The following HECW1 variants were observed in gnomAD, a reference collection of about 807,000 sequenced individuals.
HECW1 encodes E3 ubiquitin-protein ligase HECW1.
A neutral mutation model predicts 182.3 loss-of-function variants in HECW1; 61 were observed. The ratio of observed to expected loss-of-function variants is 0.33; its 90% CI spans 0.27 to 0.41. The LOEUF (loss-of-function observed/expected upper bound fraction) is 0.41. Ranked by LOEUF, HECW1 falls within the 10% of genes least tolerant of loss-of-function variation. The pLI is 1.00. For synonymous variants in HECW1, 859 were observed against 832.6 expected (o/e 1.03, Z -0.55); for missense variants, 1,739 against 2,108.9 (o/e 0.82, Z 3.44).
At chr7:43,442,717 TC>T in intron 10 of HECW1, 88 bp downstream of exon 10, 1 of 859,638 alleles carries the variant, frequency 1.2e-6, no homozygotes, top group Non-Finnish European at 1.9e-6. Context: ...TATGGTTCTC[TC>T]CAGATGTATC....
chr7:43,261,043 A>G (rs1431132184), intron 3 of HECW1, among the ~76,000 whole-genome samples: 1 of 152,128 alleles, frequency 6.6e-6, no homozygotes, highest in South Asian at 2.1e-4. Flanking sequence ...TTAATTGGTA[A>G]ATGCTGAAGT....
intron 8 of HECW1, 140 bp from the exon 9 acceptor site, chr7:43,437,863 A>G: frequency 1.2e-6 from 1 of 839,374 alleles, no homozygotes; most frequent in African/African-American, 1.7e-5. Context: ...AAACAGGTTC[A>G]CAACATTTCT....
chr7:43,423,889 G>C (rs924247946), intron 8 of HECW1, among the ~76,000 whole-genome samples: 2 of 152,192 alleles, frequency 1.3e-5, no homozygotes, highest in Admixed American at 6.5e-5. Context: ...AAAAATCAAA[G>C]GTGGGGCTAG....
chr7:43,346,068 A>G (rs1392433290), intron 5 of HECW1, among the ~76,000 whole-genome samples: 1 of 152,200 alleles, frequency 6.6e-6, no homozygotes, highest in African/African-American at 2.4e-5. Flanking sequence ...AGGAATTGCC[A>G]CACTGTTTTC....
chr7:43,477,807 T>C (rs1033198439), intron 16 of HECW1, among the ~76,000 whole-genome samples: 1 of 152,220 alleles, frequency 6.6e-6, no homozygotes, highest in African/African-American at 2.4e-5. Context: ...ATCAAATACT[T>C]GAAATTATAA....
chr7:43,333,915 G>A (rs1811805455), intron 5 of HECW1, among the ~76,000 whole-genome samples: 1 of 152,104 alleles, frequency 6.6e-6, no homozygotes, highest in Admixed American at 6.6e-5. Context: ...GTCAAACATG[G>A]CCCAATCCAC....
intron 15 of HECW1, among the ~76,000 whole-genome samples, chr7:43,468,464 G>A (rs1425967166): frequency 6.6e-6 from 1 of 152,142 alleles, no homozygotes; most frequent in Non-Finnish European, 1.5e-5. Flanking sequence ...CAGCACTCAG[G>A]TGGAACGGAT....
intron 6 of HECW1, among the ~76,000 whole-genome samples, chr7:43,361,815 CTTTTTTTTTT>C (rs397890047): frequency 1.2e-4 from 9 of 77,964 alleles, no homozygotes; most frequent in East Asian, 3.7e-4. Flanking sequence ...AAGACTCTCT[CTTTTTTTTTT>C]TTTTTTTTTT....
At chr7:43,263,747 G>C (rs188075927) in intron 3 of HECW1, among the ~76,000 whole-genome samples, 15 of 152,204 alleles carry the variant, frequency 9.9e-5, no homozygotes, top group Admixed American at 3.3e-4. Flanking sequence ...GGAGACAAAA[G>C]GAAGGGAGGG....
chr7:43,242,656 A>G (rs1798993445), intron 2 of HECW1, among the ~76,000 whole-genome samples: 2 of 152,162 alleles, frequency 1.3e-5, no homozygotes, highest in African/African-American at 4.8e-5. Context: ...TTCACATGGT[A>G]ACTAAGGCCA....
chr7:43,437,597 A>T (rs1007989582), intron 8 of HECW1, among the ~76,000 whole-genome samples: 5 of 152,224 alleles, frequency 3.3e-5, no homozygotes, highest in Non-Finnish European at 7.3e-5. Context: ...GGTATTACCA[A>T]ACTTCTAGAA....
chr7:43,364,211 T>G (rs1318410561), intron 6 of HECW1, among the ~76,000 whole-genome samples: 3 of 152,196 alleles, frequency 2.0e-5, no homozygotes, highest in Non-Finnish European at 4.4e-5. Context: ...AATCAGCGCT[T>G]TAATTTTCTG....
At chr7:43,140,417 T>C (rs893441873) in intron 2 of HECW1, among the ~76,000 whole-genome samples, 16 of 152,088 alleles carry the variant, frequency 1.1e-4, no homozygotes, top group Non-Finnish European at 1.2e-4. Context: ...TCCAAAAAAA[T>C]CCTACTGTGA....
intron 2 of HECW1, among the ~76,000 whole-genome samples, chr7:43,189,316 T>C (rs1189553478): frequency 6.6e-6 from 1 of 152,020 alleles, no homozygotes; most frequent in Non-Finnish European, 1.5e-5. Context: ...TCTGATTCAG[T>C]AGGTGAGGGT....
Position 43,114,293 on chromosome 7 carries a change from GT to G in HECW1, c.-128del, listed in dbSNP as rs577778501. 3.6e-4 allele frequency: 488 copies of G among 1,363,742 alleles called. 2 individuals carry two copies. The African/African-American group carries it at 6.2e-3, about 17-fold the overall frequency. The allele number at this position is 1,363,742 out of a possible 1,614,324, so 84.5% of individuals were successfully genotyped here. A position where few individuals can be genotyped will look rare whatever the true frequency, so the allele number is the denominator to read the frequency against. ...GATGCCCTACCCGAAAAGGCCAACC[GT>G]TAAAGACCCCGGCAGTGTTGTGGTC... On this transcript the variant is annotated 5_prime_UTR_variant, in exon 2 of 30. An upstream open reading frame in the 5' UTR gains an earlier in-frame stop. Coordinates refer to ENST00000395891, the MANE Select transcript of HECW1 (RefSeq NM_015052.5).
At chr7:43,320,550 G>C in intron 4 of HECW1, 85 bp from the exon 5 acceptor site, 1 of 925,486 alleles carries the variant, frequency 1.1e-6, no homozygotes, top group South Asian at 1.4e-5. Flanking sequence ...AGCAGCATTT[G>C]TATCCTTTGC....
chr7:43,459,040 G>A (rs2077492312), intron 13 of HECW1, among the ~76,000 whole-genome samples: 1 of 152,190 alleles, frequency 6.6e-6, no homozygotes, highest in African/African-American at 2.4e-5. Context: ...CACTCTTCCA[G>A]GCCTTTATGG....
intron 8 of HECW1, among the ~76,000 whole-genome samples, chr7:43,428,185 G>A (rs1176257666): frequency 6.6e-6 from 1 of 152,226 alleles, no homozygotes; most frequent in Non-Finnish European, 1.5e-5. Context: ...CCTCTTCAGA[G>A]AAGTCCATCA....
intron 2 of HECW1, among the ~76,000 whole-genome samples, chr7:43,145,623 T>A (rs1788624175): frequency 6.6e-6 from 1 of 152,200 alleles, no homozygotes; most frequent in Non-Finnish European, 1.5e-5. Flanking sequence ...GGCAGAGGTG[T>A]CTTCCTGCTG....
Sources: allele counts gnomAD v4.1 joint callset (sites outside exome capture counted in the v4.1 genomes callset), GRCh38; gene constraint gnomAD v4.1.1; transcripts MANE v1.5; gene names NCBI Gene and HGNC (gene_info 2026-07-23, HGNC 2026-07-21).